Variants in CNTNAP2 observed in about 807,000 individuals in gnomAD.
CNTNAP2 encodes the protein contactin associated protein 2.
In CNTNAP2, 98 loss-of-function variants were observed where a neutral mutation model predicts 155.2. That is an observed-to-expected ratio of 0.63 (90% CI 0.54 to 0.75). CNTNAP2 has a LOEUF of 0.75. Among genes scored for constraint, CNTNAP2 ranks in the 30% least tolerant of loss-of-function variants. The pLI, the probability that CNTNAP2 is intolerant of heterozygous loss-of-function variation, is 0.00. For missense variants in CNTNAP2, 1,727 were observed against 1,688.1 expected, an observed-to-expected ratio of 1.02 and a Z score of -0.40; for synonymous variants, 651 against 631.2, an observed-to-expected ratio of 1.03 and a Z score of -0.47.
rs144621753 is a variant in CNTNAP2, at chr7:147,495,328, G to A, written c.1777+9287G>A. 2.6e-5 allele frequency among the ~76,000 whole-genome samples: 4 copies of A among 152,244 alleles called. No homozygotes were observed. In the East Asian group the frequency reaches 7.7e-4, roughly 29 times the overall value. Reference sequence around the variant, plus strand: ...TGATTGTTTAACCTTGGTAAACCTTGGTAGCTTGAAGCAGAACTTTGGTGT... The same window carrying A: ...TGATTGTTTAACCTTGGTAAACCTTAGTAGCTTGAAGCAGAACTTTGGTGT... On this transcript the variant is annotated intron_variant, in intron 11 of 23. Transcript: ENST00000361727.
Position 146,932,058 on chromosome 7 carries a change from A to G in CNTNAP2, c.402+92154A>G, listed in dbSNP as rs544186553. Among the ~76,000 whole-genome samples the G allele has an allele frequency of 4.0e-5, 6 of 151,084 alleles. No homozygotes were observed. The South Asian group carries it at 1.3e-3, about 31-fold the overall frequency. On this transcript the variant is annotated intron_variant, in intron 3 of 23. Coordinates refer to ENST00000361727, the MANE Select transcript of CNTNAP2 (RefSeq NM_014141.6). ...TCTGAAACTATTCCAATCAATAGAA[A>G]AAGAGGGAATCCTCCCTAACTCATT...
intron 1 of CNTNAP2, among the ~76,000 whole-genome samples, chr7:146,768,200 C>G (rs1802231107): frequency 6.6e-6 from 1 of 151,842 alleles, no homozygotes; most frequent in Non-Finnish European, 1.5e-5. Context: ...AACAAACTTG[C>G]CTTCTGCTTC....
At chr7:147,190,292 AT>A (rs569141214) in intron 8 of CNTNAP2, among the ~76,000 whole-genome samples, 1 of 152,208 alleles carries the variant, frequency 6.6e-6, no homozygotes, top group South Asian at 2.1e-4. Flanking sequence ...TATGTAATGT[AT>A]TTTTTCCCTT....
chr7:148,038,933 C>G (rs1340329215), intron 15 of CNTNAP2, among the ~76,000 whole-genome samples: 1 of 152,156 alleles, frequency 6.6e-6, no homozygotes, highest in Non-Finnish European at 1.5e-5. Flanking sequence ...CTAAGTCCCA[C>G]AACAGGCCCT....
chr7:147,421,189 G>A (rs1025484392), intron 10 of CNTNAP2, among the ~76,000 whole-genome samples: 1 of 152,142 alleles, frequency 6.6e-6, no homozygotes, highest in Admixed American at 6.6e-5. Flanking sequence ...CTGAAAAGCA[G>A]TGTTTAGCAT....
chr7:146,165,188 A>ATATATCCT (rs1225934056), intron 1 of CNTNAP2, among the ~76,000 whole-genome samples: 2 of 152,096 alleles, frequency 1.3e-5, no homozygotes, highest in Admixed American at 1.3e-4. Context: ...CATATTACTA[A>ATATATCCT]TATATTTTTT....
At chr7:147,085,326 C>T (rs1800251671) in intron 4 of CNTNAP2, among the ~76,000 whole-genome samples, 1 of 152,144 alleles carries the variant, frequency 6.6e-6, no homozygotes, top group African/African-American at 2.4e-5. Context: ...GCCACAGCAT[C>T]AGAAGGTGCC....
chr7:147,750,068 A>C (rs1797109805), intron 13 of CNTNAP2, among the ~76,000 whole-genome samples: 1 of 152,238 alleles, frequency 6.6e-6, no homozygotes, highest in Non-Finnish European at 1.5e-5. Flanking sequence ...ATTATAAAGG[A>C]ATGCCTTGAG....
intron 1 of CNTNAP2, among the ~76,000 whole-genome samples, chr7:146,436,015 A>G (rs1359133514): frequency 6.6e-6 from 1 of 152,184 alleles, no homozygotes; most frequent in African/African-American, 2.4e-5. Context: ...CAAACAATCC[A>G]GTTATTGATC....
intron 21 of CNTNAP2, among the ~76,000 whole-genome samples, chr7:148,379,891 C>G (rs554545698): frequency 6.6e-6 from 1 of 152,266 alleles, no homozygotes; most frequent in East Asian, 1.9e-4. Context: ...ACAACACTCC[C>G]GCCTCTCACT....
At chr7:146,819,217 C>A (rs1803230152) in intron 2 of CNTNAP2, among the ~76,000 whole-genome samples, 1 of 152,076 alleles carries the variant, frequency 6.6e-6, no homozygotes, top group Non-Finnish European at 1.5e-5. Context: ...TAGATGGAAG[C>A]AATGAACATA....
At chr7:146,187,750 C>T (rs888410010) in intron 1 of CNTNAP2, among the ~76,000 whole-genome samples, 3 of 152,082 alleles carry the variant, frequency 2.0e-5, no homozygotes, top group Admixed American at 6.6e-5. Flanking sequence ...ACCAACAACA[C>T]GGAACTCTCT....
At chr7:146,639,707 T>A (rs1412465946) in intron 1 of CNTNAP2, among the ~76,000 whole-genome samples, 1 of 152,362 alleles carries the variant, frequency 6.6e-6, no homozygotes, top group Non-Finnish European at 1.5e-5. Flanking sequence ...GAATTGTCCA[T>A]GTGCCAGGCA....
chr7:147,472,136 G>GCAAAAACATA (rs1229143172), intron 10 of CNTNAP2, among the ~76,000 whole-genome samples: 1 of 151,366 alleles, frequency 6.6e-6, no homozygotes, highest in Non-Finnish European at 1.5e-5. Context: ...AGCAGATCAT[G>GCAAAAACATA]CAAAAACATA....
intron 13 of CNTNAP2, among the ~76,000 whole-genome samples, chr7:147,693,591 C>T (rs1796120459): frequency 6.6e-6 from 1 of 151,782 alleles, no homozygotes; most frequent in African/African-American, 2.4e-5. Context: ...TCGGGGGGCG[C>T]TGATATAAAT....
At chr7:148,307,135 G>T (rs1421194320) in intron 21 of CNTNAP2, among the ~76,000 whole-genome samples, 1 of 152,180 alleles carries the variant, frequency 6.6e-6, no homozygotes, top group Non-Finnish European at 1.5e-5. Flanking sequence ...GTGTGTAAAT[G>T]TTGACTGAAG....
intron 15 of CNTNAP2, among the ~76,000 whole-genome samples, chr7:148,033,899 C>G (rs547285728): frequency 4.0e-4 from 61 of 152,126 alleles, no homozygotes; most frequent in Non-Finnish European, 7.1e-4. Context: ...ATATTCCTGC[C>G]AAGGAGGGAA....
intron 9 of CNTNAP2, among the ~76,000 whole-genome samples, chr7:147,302,896 G>T (rs1794970392): frequency 6.6e-6 from 1 of 152,194 alleles, no homozygotes; most frequent in Non-Finnish European, 1.5e-5. Context: ...AGAAAGCACA[G>T]CACTGTTCAT....
At chr7:146,170,719 G>A (rs1562976031) in intron 1 of CNTNAP2, among the ~76,000 whole-genome samples, 1 of 152,104 alleles carries the variant, frequency 6.6e-6, no homozygotes, top group African/African-American at 2.4e-5. Flanking sequence ...GAGAGAATTT[G>A]TAAAGAGATT....
Sources: allele counts gnomAD v4.1 joint callset (sites outside exome capture counted in the v4.1 genomes callset), GRCh38; gene constraint gnomAD v4.1.1; transcripts MANE v1.5; gene names NCBI Gene and HGNC (gene_info 2026-07-23, HGNC 2026-07-21).